The following TTC28 variants were observed in gnomAD, a reference collection of about 807,000 sequenced individuals.
TTC28 encodes the protein tetratricopeptide repeat domain 28, also known as tetratricopeptide repeat protein 28.
In TTC28, 61 loss-of-function variants were observed where a neutral mutation model predicts 198.0. The ratio of observed to expected loss-of-function variants is 0.31; its 90% CI spans 0.25 to 0.38. The LOEUF is 0.38. TTC28 is among the 10% of genes least tolerant of loss of function. The pLI is 1.00. For missense variants in TTC28, 2,678 were observed against 3,164.0 expected (o/e 0.85, Z 3.69); for synonymous variants, 1,171 against 1,297.8 (o/e 0.90, Z 2.10).
At chr22:28,632,523 A>G (rs2051194698) in intron 1 of TTC28, among the ~76,000 whole-genome samples, 3 of 152,010 alleles carry the variant, frequency 2.0e-5, no homozygotes, top group Non-Finnish European at 4.4e-5. Flanking sequence ...GCTTGAAAGT[A>G]AATGGACTAT....
rs1280192702 is a variant in TTC28, at chr22:27,983,677, G to C, written c.5990C>G (p.Ser1997Cys). Reference protein sequence around the residue: ...SDAISVYSLSSIASSMSFVSK... With the variant: ...SDAISVYSLSCIASSMSFVSK... ...GACAAAGCTCATTGAGGAGGCAATGGAGCTCAGACTGTACACAGAGATGGC... is the reference window on the plus strand; with the variant it reads ...GACAAAGCTCATTGAGGAGGCAATGCAGCTCAGACTGTACACAGAGATGGC... The change falls in exon 23 of 23, where the codon TCC (serine) becomes TGC (cysteine). Residue 1997 changes from serine (S) to cysteine (C), a missense_variant. Around this residue, in one of 8 missense-constraint regions of TTC28, gnomAD observed 622 missense variants for 656.0 expected, o/e 0.95. Coordinates refer to ENST00000397906, the MANE Select transcript of TTC28 (RefSeq NM_001145418.2). 1.3e-6 allele frequency: 2 copies of C among 1,547,606 alleles called. No individual in the cohort carries two copies. The highest frequency in any genetic ancestry group is 1.7e-6 in the Non-Finnish European group (2 of 1,145,440).
intron 2 of TTC28, among the ~76,000 whole-genome samples, chr22:28,528,605 A>G (rs1174668707): frequency 6.6e-6 from 1 of 151,746 alleles, no homozygotes; most frequent in African/African-American, 2.4e-5. Context: ...GAATGGTGGC[A>G]TGCACTTGTA....
At chr22:28,114,097 C>T (rs1942566565) in intron 6 of TTC28, among the ~76,000 whole-genome samples, 1 of 152,162 alleles carries the variant, frequency 6.6e-6, no homozygotes, top group South Asian at 2.1e-4. Flanking sequence ...GTCCTGTTGC[C>T]TTGATTTCAT....
At position 28,094,070 on chromosome 22, in the gene TTC28, T is replaced by C. The variant is rs1941897621; in HGVS notation, c.3932+10A>G. ...TCTGAAAATGGACTTGGGGATGTTTTACTACCTACCTTGAGTAGTGAGACT... is the reference window on the plus strand; with the variant it reads ...TCTGAAAATGGACTTGGGGATGTTTCACTACCTACCTTGAGTAGTGAGACT... On this transcript the variant is annotated intron_variant, in intron 12 of 22. Coordinates refer to ENST00000397906, the MANE Select transcript of TTC28 (RefSeq NM_001145418.2). 1.1e-5 allele frequency: 16 copies of C among 1,521,740 alleles called. No homozygotes were observed. Among genetic ancestry groups the C allele is most frequent in the Non-Finnish European group, 1.3e-5 (15 of 1,136,666 alleles). The allele number at this position is 1,521,740 out of a possible 1,614,324, so 94.3% of individuals were successfully genotyped here. A position where few individuals can be genotyped will look rare whatever the true frequency, so the allele number is the denominator to read the frequency against.
chr22:28,014,176 T>A, intron 14 of TTC28, 72 bp downstream of exon 14: 1 of 1,484,858 alleles, frequency 6.7e-7, no homozygotes, highest in Non-Finnish European at 9.0e-7. Context: ...CTAAGAGGGA[T>A]ACATGTGGGC....
chr22:28,142,476 T>C (rs1239218604), intron 6 of TTC28, among the ~76,000 whole-genome samples: 2 of 152,232 alleles, frequency 1.3e-5, no homozygotes, highest in African/African-American at 4.8e-5. Flanking sequence ...TTGAGCAATG[T>C]AGCAATCGTG....
At chr22:28,156,097 GTA>G (rs1340607061) in intron 6 of TTC28, among the ~76,000 whole-genome samples, 1 of 152,228 alleles carries the variant, frequency 6.6e-6, no homozygotes, top group African/African-American at 2.4e-5. Flanking sequence ...AGTCAGGATG[GTA>G]TGGCAGGCTG....
chr22:28,661,052 A>C (rs2051735826), intron 1 of TTC28, among the ~76,000 whole-genome samples: 1 of 151,908 alleles, frequency 6.6e-6, no homozygotes, highest in Middle Eastern at 3.4e-3. Context: ...TGGGAGGCCG[A>C]GGTGAGCGGA....
rs147448339 is a variant in TTC28 at position 28,617,413 on chromosome 22, G to A, written c.381+12139C>T. On this transcript the variant is annotated intron_variant, in intron 2 of 22. Coordinates refer to ENST00000397906, the MANE Select transcript of TTC28 (RefSeq NM_001145418.2). Reference sequence around the variant, plus strand: ...ACACACTGTAGTCCCAGCTACTGTGGAGAATCCTTTGAGCCTGGGAGTTTC... The same window carrying A: ...ACACACTGTAGTCCCAGCTACTGTGAAGAATCCTTTGAGCCTGGGAGTTTC... Among the ~76,000 whole-genome samples the A allele has an allele frequency of 7.0e-3, 1,058 of 152,028 alleles. 12 individuals are homozygous for A. Among genetic ancestry groups the A allele is most frequent in the African/African-American group, 0.025 (1,022 of 41,482 alleles).
At chr22:28,150,146 G>T (rs1454190477) in intron 6 of TTC28, among the ~76,000 whole-genome samples, 6 of 152,114 alleles carry the variant, frequency 3.9e-5, no homozygotes, top group Admixed American at 6.5e-5. Flanking sequence ...TGTCAGGAAG[G>T]TATAAAATCA....
At chr22:28,364,369 T>C (rs973297967) in intron 2 of TTC28, among the ~76,000 whole-genome samples, 6 of 152,236 alleles carry the variant, frequency 3.9e-5, no homozygotes, top group African/African-American at 1.4e-4. Context: ...TGCAAGTCCA[T>C]TGAACCTCTG....
intron 2 of TTC28, among the ~76,000 whole-genome samples, chr22:28,549,411 G>A (rs2049613861): frequency 6.6e-6 from 1 of 152,100 alleles, no homozygotes; most frequent in Non-Finnish European, 1.5e-5. Context: ...ACATTTAAGG[G>A]CTCTAAGTTT....
At chr22:28,468,616 C>T (rs1211542228) in intron 2 of TTC28, among the ~76,000 whole-genome samples, 1 of 151,682 alleles carries the variant, frequency 6.6e-6, no homozygotes, top group Non-Finnish European at 1.5e-5. Context: ...CTGCAGCTCC[C>T]GGGTTCACGC....
intron 6 of TTC28, among the ~76,000 whole-genome samples, chr22:28,130,514 G>A (rs1405508955): frequency 6.6e-6 from 1 of 152,156 alleles, no homozygotes; most frequent in Admixed American, 6.6e-5. Context: ...GAATGATAGT[G>A]ACATTTTGTT....
intron 2 of TTC28, among the ~76,000 whole-genome samples, chr22:28,577,056 T>C (rs1360944054): frequency 6.6e-6 from 1 of 152,058 alleles, no homozygotes; most frequent in Non-Finnish European, 1.5e-5. Flanking sequence ...AAAGATGCAT[T>C]GTTAGATTGT....
chr22:28,083,220 T>C (rs901110384), intron 12 of TTC28, among the ~76,000 whole-genome samples: 11 of 152,134 alleles, frequency 7.2e-5, no homozygotes, highest in South Asian at 6.2e-4. Context: ...TAGATGTTCA[T>C]TGACAGATAC....
At chr22:28,505,998 C>T (rs2048607748) in intron 2 of TTC28, among the ~76,000 whole-genome samples, 1 of 152,252 alleles carries the variant, frequency 6.6e-6, no homozygotes, top group Admixed American at 6.5e-5. Flanking sequence ...GGAAGGGTCC[C>T]CCACAGTGCA....
At chr22:28,557,276 G>C (rs1301297246) in intron 2 of TTC28, among the ~76,000 whole-genome samples, 3 of 151,972 alleles carry the variant, frequency 2.0e-5, no homozygotes, top group Non-Finnish European at 4.4e-5. Context: ...TTCTTGTCTT[G>C]CTTTCTGGGA....
intron 6 of TTC28, among the ~76,000 whole-genome samples, chr22:28,125,431 C>A (rs1942890250): frequency 6.6e-6 from 1 of 152,212 alleles, no homozygotes; most frequent in Non-Finnish European, 1.5e-5. Flanking sequence ...CTGCTCACAA[C>A]CTCAAGGCAG....
Sources: gnomAD v4.1 joint callset for allele counts (sites outside exome capture counted in the v4.1 genomes callset) on GRCh38, gnomAD v4.1.1 for gene constraint, gnomAD v4.1.1 regional missense constraint, MANE v1.5 for transcripts, NCBI Gene and HGNC (gene_info 2026-07-23, HGNC 2026-07-21) for gene names.